Variants in TMEM132D observed in about 807,000 individuals in gnomAD.
The protein encoded by TMEM132D is transmembrane protein 132D, also known as mature OL transmembrane protein.
A neutral mutation model predicts 62.3 loss-of-function variants in TMEM132D; 21 were observed. That is an observed-to-expected ratio of 0.34 (90% CI 0.24 to 0.49). TMEM132D has a LOEUF of 0.49. Ranked by LOEUF, TMEM132D falls within the 20% of genes least tolerant of loss-of-function variation. The pLI is 0.99. For missense variants in TMEM132D, 1,346 were observed against 1,402.8 expected (o/e 0.96, Z 0.65); for synonymous variants, 621 against 575.6 (o/e 1.08, Z -1.13).
intron 1 of TMEM132D, among the ~76,000 whole-genome samples, chr12:129,829,266 C>A (rs908564901): frequency 6.6e-6 from 1 of 152,082 alleles, no homozygotes; most frequent in Non-Finnish European, 1.5e-5. Context: ...TTATAGAGTT[C>A]AGTGGCTTTT....
rs374945357 is a variant in TMEM132D, at chr12:129,739,679, T to C, written c.80-38981A>G. 1.6e-4 allele frequency among the ~76,000 whole-genome samples: 25 copies of C among 152,300 alleles called. No homozygotes were observed. The South Asian group carries it at 5.2e-3, about 32-fold the overall frequency. On this transcript the variant is annotated intron_variant, in intron 1 of 8. Transcript: ENST00000422113. ...TGGATATTCTGTGCATTCACGTTCATTCCTCAGAGGCCTGGTCCCCATGGA... is the reference window on the plus strand; with the variant it reads ...TGGATATTCTGTGCATTCACGTTCACTCCTCAGAGGCCTGGTCCCCATGGA...
At chr12:129,837,972 TTCTC>T (rs1221691540) in intron 1 of TMEM132D, among the ~76,000 whole-genome samples, 1 of 152,242 alleles carries the variant, frequency 6.6e-6, no homozygotes, top group Non-Finnish European at 1.5e-5. Flanking sequence ...ATTTTTTTCT[TTCTC>T]TCTTCAGACA....
At chr12:129,810,930 T>C (rs1474574159) in intron 1 of TMEM132D, among the ~76,000 whole-genome samples, 1 of 152,154 alleles carries the variant, frequency 6.6e-6, no homozygotes, top group Non-Finnish European at 1.5e-5. Flanking sequence ...TGGTATTGCG[T>C]GTCTAGAACA....
At chr12:129,515,929 C>T (rs1306689152) in intron 3 of TMEM132D, among the ~76,000 whole-genome samples, 1 of 152,114 alleles carries the variant, frequency 6.6e-6, no homozygotes, top group African/African-American at 2.4e-5. Context: ...TCTTGTTAAT[C>T]TGTCTTTTTT....
At chr12:129,566,033 T>A (rs1308344821) in intron 2 of TMEM132D, among the ~76,000 whole-genome samples, 1 of 152,220 alleles carries the variant, frequency 6.6e-6, no homozygotes, top group Non-Finnish European at 1.5e-5. Context: ...ACTGAATTCC[T>A]ATGGCTGTCT....
intron 1 of TMEM132D, among the ~76,000 whole-genome samples, chr12:129,752,085 C>T (rs1340252856): frequency 6.6e-6 from 1 of 152,144 alleles, no homozygotes; most frequent in Non-Finnish European, 1.5e-5. Flanking sequence ...TCCCCTCATA[C>T]TACTGGGAAG....
chr12:129,725,006 C>T (rs958785598), intron 1 of TMEM132D, among the ~76,000 whole-genome samples: 2 of 152,152 alleles, frequency 1.3e-5, no homozygotes, highest in African/African-American at 4.8e-5. Flanking sequence ...CCAGGCCTGG[C>T]CCCAGAGCCC....
At chr12:129,660,723 CTAA>C (rs1880216459) in intron 2 of TMEM132D, among the ~76,000 whole-genome samples, 1 of 152,092 alleles carries the variant, frequency 6.6e-6, no homozygotes, top group Non-Finnish European at 1.5e-5. Context: ...CCAAAATGTA[CTAA>C]TGACAATACT....
chr12:129,366,301 T>G (rs1045177788), intron 3 of TMEM132D, among the ~76,000 whole-genome samples: 2 of 152,136 alleles, frequency 1.3e-5, no homozygotes, highest in Non-Finnish European at 2.9e-5. Context: ...GGGGTGGATT[T>G]CTCATGAATT....
chr12:129,155,064 G>A (rs1048286510), intron 5 of TMEM132D, among the ~76,000 whole-genome samples: 2 of 152,250 alleles, frequency 1.3e-5, no homozygotes, highest in Non-Finnish European at 2.9e-5. Context: ...GCACAAACGA[G>A]AGATGCTTGG....
intron 2 of TMEM132D, among the ~76,000 whole-genome samples, chr12:129,593,344 G>A (rs1252399624): frequency 2.0e-5 from 3 of 152,180 alleles, no homozygotes; most frequent in African/African-American, 7.2e-5. Context: ...GATAAAAAAT[G>A]TGATGTGATT....
chr12:129,487,829 C>G (rs1874631443), intron 3 of TMEM132D, among the ~76,000 whole-genome samples: 1 of 148,084 alleles, frequency 6.8e-6, no homozygotes, highest in African/African-American at 2.5e-5. Context: ...CCCAGATACT[C>G]GGGAGGCTGA....
At chr12:129,222,983 A>C (rs780264031) in intron 4 of TMEM132D, among the ~76,000 whole-genome samples, 1 of 152,176 alleles carries the variant, frequency 6.6e-6, no homozygotes, top group Non-Finnish European at 1.5e-5. Context: ...CACAATGTAT[A>C]TATGTATCAA....
intron 2 of TMEM132D, among the ~76,000 whole-genome samples, chr12:129,684,355 C>T (rs760470670): frequency 6.6e-6 from 1 of 152,054 alleles, no homozygotes; most frequent in African/African-American, 2.4e-5. Context: ...TTGCTTGGCA[C>T]TTTTCCTTCC....
At chr12:129,539,994 G>T (rs1195951831) in intron 2 of TMEM132D, among the ~76,000 whole-genome samples, 1 of 152,138 alleles carries the variant, frequency 6.6e-6, no homozygotes, top group East Asian at 1.9e-4. Context: ...ATGGCTTTGG[G>T]GACCTCCTGT....
At chr12:129,395,986 TATATA>T (rs1193325290) in intron 3 of TMEM132D, among the ~76,000 whole-genome samples, 1 of 147,108 alleles carries the variant, frequency 6.8e-6, no homozygotes, top group Non-Finnish European at 1.5e-5. Flanking sequence ...AAATATATAT[TATATA>T]AAGTATATAA....
intron 2 of TMEM132D, among the ~76,000 whole-genome samples, chr12:129,541,684 G>A (rs1019737331): frequency 5.9e-5 from 9 of 152,260 alleles, no homozygotes; most frequent in Middle Eastern, 3.4e-3. Flanking sequence ...TTCTTCGCAT[G>A]TCACTGAGTC....
intron 2 of TMEM132D, among the ~76,000 whole-genome samples, chr12:129,612,303 T>C (rs954729199): frequency 5.3e-5 from 8 of 152,156 alleles, no homozygotes; most frequent in Non-Finnish European, 8.8e-5. Flanking sequence ...CTCTGCCCTT[T>C]CCATCCTCCC....
chr12:129,826,464 C>T (rs892997137), intron 1 of TMEM132D, among the ~76,000 whole-genome samples: 2 of 152,226 alleles, frequency 1.3e-5, no homozygotes, highest in Non-Finnish European at 2.9e-5. Flanking sequence ...CCGTGCCTGT[C>T]GTTCCTCATG....
Sources: allele counts gnomAD v4.1 joint callset (sites outside exome capture counted in the v4.1 genomes callset), GRCh38; gene constraint gnomAD v4.1.1; transcripts MANE v1.5; gene names NCBI Gene and HGNC (gene_info 2026-07-23, HGNC 2026-07-21).